Variants in RALYL observed in about 807,000 individuals in gnomAD.
RALYL encodes the protein RALY RNA binding protein like.
RALYL carries 29 observed loss-of-function variants against 35.1 expected under a neutral mutation model. That is an observed-to-expected ratio of 0.83 (90% CI 0.61 to 1.13). The LOEUF is 1.13. Among genes scored for constraint, RALYL ranks in the 50% most tolerant of loss-of-function variants. RALYL has a pLI of 0.00. For synonymous variants in RALYL, 120 were observed against 127.6 expected, an observed-to-expected ratio of 0.94 and a Z score of 0.40; for missense variants, 359 against 360.4, an observed-to-expected ratio of 1.00 and a Z score of 0.03.
chr8:84,221,670 T>A (rs1033575407), intron 1 of RALYL, among the ~76,000 whole-genome samples: 4 of 152,094 alleles, frequency 2.6e-5, no homozygotes, highest in Non-Finnish European at 4.4e-5. Context: ...TATTATTAGA[T>A]ACTAGGAGTC....
At chr8:84,554,133 T>A (rs1398091391) in intron 2 of RALYL, among the ~76,000 whole-genome samples, 1 of 152,218 alleles carries the variant, frequency 6.6e-6, no homozygotes, top group Non-Finnish European at 1.5e-5. Context: ...AGTAGTTTTG[T>A]AATAACAAAA....
intron 2 of RALYL, among the ~76,000 whole-genome samples, chr8:84,554,929 G>A (rs2060990173): frequency 6.6e-6 from 1 of 152,038 alleles, no homozygotes. Context: ...AATTTTCAAG[G>A]ATAATTTTGA....
intron 1 of RALYL, among the ~76,000 whole-genome samples, chr8:84,322,037 G>C (rs1203144684): frequency 6.6e-6 from 1 of 151,970 alleles, no homozygotes; most frequent in Non-Finnish European, 1.5e-5. Flanking sequence ...AAACCTGATA[G>C]AACTGAAAGG....
intron 4 of RALYL, among the ~76,000 whole-genome samples, chr8:84,836,361 C>A (rs1310647610): frequency 1.3e-5 from 2 of 152,138 alleles, no homozygotes; most frequent in Non-Finnish European, 2.9e-5. Context: ...TAGCCATTTT[C>A]TCTTCCTCAG....
chr8:84,220,694 T>C (rs7008600), intron 1 of RALYL, among the ~76,000 whole-genome samples: 40,257 of 151,712 alleles, frequency 0.27, 6,144 homozygotes, highest in African/African-American at 0.4. Context: ...TAGACACTTT[T>C]ATGAGTTTCT....
intron 1 of RALYL, among the ~76,000 whole-genome samples, chr8:84,281,098 G>A (rs1396146422): frequency 6.6e-6 from 1 of 152,140 alleles, no homozygotes; most frequent in Admixed American, 6.6e-5. Flanking sequence ...GTGTTAGCAT[G>A]ACTATACAGA....
chr8:84,237,507 A>C (rs1204181868), intron 1 of RALYL, among the ~76,000 whole-genome samples: 1 of 151,222 alleles, frequency 6.6e-6, no homozygotes, highest in Admixed American at 6.6e-5. Flanking sequence ...ATGACTTACC[A>C]CTCCCTTTCT....
chr8:84,630,355 C>G (rs753597377), intron 2 of RALYL, among the ~76,000 whole-genome samples: 1 of 151,834 alleles, frequency 6.6e-6, no homozygotes, highest in South Asian at 2.1e-4. Context: ...AGGACAGGTA[C>G]ATGAAGATAG....
intron 1 of RALYL, among the ~76,000 whole-genome samples, chr8:84,222,081 A>T (rs1264264952): frequency 1.3e-5 from 2 of 152,128 alleles, no homozygotes; most frequent in African/African-American, 2.4e-5. Flanking sequence ...CACCTATATC[A>T]TGGCTGCATT....
chr8:84,408,263 T>C (rs1390548541), intron 1 of RALYL, among the ~76,000 whole-genome samples: 1 of 152,072 alleles, frequency 6.6e-6, no homozygotes, highest in Non-Finnish European at 1.5e-5. Context: ...AGCTTAAATA[T>C]GCACTTTAAT....
intron 7 of RALYL, among the ~76,000 whole-genome samples, chr8:84,878,244 A>T (rs1231244386): frequency 6.6e-6 from 1 of 152,178 alleles, no homozygotes; most frequent in African/African-American, 2.4e-5. Context: ...ACTTGAGAGC[A>T]CTTAAAAGCA....
intron 2 of RALYL, among the ~76,000 whole-genome samples, chr8:84,615,559 A>G (rs1819320384): frequency 7.0e-6 from 1 of 141,942 alleles, no homozygotes; most frequent in Non-Finnish European, 1.5e-5. Context: ...GCCTGACTAT[A>G]GAACTTTCGT....
intron 1 of RALYL, among the ~76,000 whole-genome samples, chr8:84,450,838 CAATAT>C (rs1157413432): frequency 4.0e-5 from 6 of 151,846 alleles, no homozygotes; most frequent in Admixed American, 1.3e-4. Context: ...TCAAATTACT[CAATAT>C]AACAGTTGCC....
chr8:84,309,571 T>C (rs771026557), intron 1 of RALYL, among the ~76,000 whole-genome samples: 3 of 152,014 alleles, frequency 2.0e-5, no homozygotes, highest in African/African-American at 4.8e-5. Context: ...ATTAGTGAAA[T>C]AGAGGTAGCA....
At chr8:84,238,261 TTGA>T (rs1478143104) in intron 1 of RALYL, among the ~76,000 whole-genome samples, 1 of 152,112 alleles carries the variant, frequency 6.6e-6, no homozygotes, top group Non-Finnish European at 1.5e-5. Flanking sequence ...AAATATTTCT[TTGA>T]TGATGTCCAG....
chr8:84,831,933 A>T (rs1418056145), intron 4 of RALYL, among the ~76,000 whole-genome samples: 7 of 152,200 alleles, frequency 4.6e-5, no homozygotes, highest in Non-Finnish European at 5.9e-5. Flanking sequence ...TAACAAAAAG[A>T]CAATAGAGGA....
At chr8:84,452,571 GA>G (rs1416593109) in intron 1 of RALYL, among the ~76,000 whole-genome samples, 1 of 151,854 alleles carries the variant, frequency 6.6e-6, no homozygotes, top group East Asian at 1.9e-4. Flanking sequence ...ATTTATAAAT[GA>G]ATTAGCAACC....
chr8:84,413,978 T>A (rs2044360985), intron 1 of RALYL, among the ~76,000 whole-genome samples: 1 of 152,078 alleles, frequency 6.6e-6, no homozygotes, highest in African/African-American at 2.4e-5. Context: ...CATTAGAGTA[T>A]GCTAGGTTTT....
At chr8:84,738,203 G>GAGT (rs1271476295) in intron 2 of RALYL, among the ~76,000 whole-genome samples, 1 of 152,004 alleles carries the variant, frequency 6.6e-6, no homozygotes, top group Non-Finnish European at 1.5e-5. Context: ...GCTGGAGGAG[G>GAGT]AGTGACTGGT....
Sources: allele counts gnomAD v4.1 joint callset (sites outside exome capture counted in the v4.1 genomes callset), GRCh38; gene constraint gnomAD v4.1.1; transcripts MANE v1.5; gene names NCBI Gene and HGNC (gene_info 2026-07-23, HGNC 2026-07-21).